The following CSNK2A2 variants were observed in gnomAD, a reference collection of about 807,000 sequenced individuals.
The protein encoded by CSNK2A2 is casein kinase 2 alpha 2, also known as casein kinase II subunit alpha'.
A neutral mutation model predicts 54.0 loss-of-function variants in CSNK2A2; 8 were observed. That is an observed-to-expected ratio of 0.15 (90% CI 0.09 to 0.27). The LOEUF (loss-of-function observed/expected upper bound fraction) is 0.27, where lower values mean the gene tolerates loss of function less well. Among genes scored for constraint, CSNK2A2 ranks in the 10% least tolerant of loss-of-function variants. CSNK2A2 has a pLI of 1.00. For missense variants in CSNK2A2, 242 were observed against 439.4 expected, an observed-to-expected ratio of 0.55 and a Z score of 4.02; for synonymous variants, 141 against 153.9, an observed-to-expected ratio of 0.92 and a Z score of 0.62.
At chr16:58,162,452 GT>G (rs1961411560) in intron 11 of CSNK2A2, 1 of 152,092 alleles carries the variant, frequency 6.6e-6, no homozygotes, top group South Asian at 2.1e-4. Flanking sequence ...TAAGAGAAGA[GT>G]TTCATTTGTA....
chr16:58,186,770 A>T lies in CSNK2A2; in HGVS notation c.303T>A (p.Thr101=). 1 of 1,613,928 alleles carries T rather than the reference A, an allele frequency of 6.2e-7. No homozygotes were observed. Among genetic ancestry groups the T allele is most frequent in the South Asian group, 1.1e-5 (1 of 91,050 alleles). The change falls in exon 3 of 12, where the codon ACT becomes ACA. Residue 101 remains threonine, a synonymous_variant. Transcript: ENST00000262506. ...GGTNIIKLID[T]VKDPVSKTPA... The stretch of plus-strand genomic sequence containing the variant: ...TGGCACCTACCACGGGGTCCTTTAC[A>T]GTGTCAATCAGCTTAATGATATTTG...
At chr16:58,178,784 G>GA (rs1961948159) in intron 4 of CSNK2A2, among the ~76,000 whole-genome samples, 2 of 151,988 alleles carry the variant, frequency 1.3e-5, no homozygotes, top group East Asian at 1.9e-4. Flanking sequence ...GAAATACAAG[G>GA]AAAAAAATTA....
intron 7 of CSNK2A2, 131 bp from the exon 8 acceptor site, chr16:58,167,439 T>G: frequency 1.6e-6 from 1 of 632,736 alleles, no homozygotes; most frequent in East Asian, 2.8e-5. Flanking sequence ...AAAAAAAATT[T>G]TTTTTAACTT....
Position 58,185,390 on chromosome 16 carries a change from G to C in CSNK2A2, c.319-1080C>G, listed in dbSNP as rs540584645. ...AAGCCTGACCTTCTAATAGACAAGG[G>C]GTCCCTGTTGATTTTTGTCATCTTC... On this transcript the variant is annotated intron_variant, in intron 3 of 11. Transcript: ENST00000262506. Among the ~76,000 whole-genome samples the C allele has an allele frequency of 2.0e-5, 3 of 152,082 alleles. No individual in the cohort carries two copies. The East Asian group carries it at 5.8e-4, about 29-fold the overall frequency.
At chr16:58,188,223 G>T (rs548417750) in intron 2 of CSNK2A2, among the ~76,000 whole-genome samples, 7 of 152,194 alleles carry the variant, frequency 4.6e-5, no homozygotes, top group African/African-American at 1.7e-4. Flanking sequence ...CTCTCGCTGC[G>T]TCCTTGTGAG....
chr16:58,182,639 C>T (rs902615469), intron 4 of CSNK2A2, among the ~76,000 whole-genome samples: 2 of 151,000 alleles, frequency 1.3e-5, no homozygotes, highest in African/African-American at 2.4e-5. Context: ...AACTCATTAA[C>T]GAAGCCCAGG....
intron 4 of CSNK2A2, among the ~76,000 whole-genome samples, chr16:58,177,212 CAG>C (rs1482072003): frequency 6.6e-6 from 1 of 152,180 alleles, no homozygotes; most frequent in Non-Finnish European, 1.5e-5. Flanking sequence ...TGGAACAAAA[CAG>C]AAGCACTCTT....
At chr16:58,195,487 A>G (rs532494810) in intron 2 of CSNK2A2, among the ~76,000 whole-genome samples, 1 of 150,568 alleles carries the variant, frequency 6.6e-6, no homozygotes, top group Admixed American at 6.6e-5. Flanking sequence ...GCTTTTCTAT[A>G]CCACAGCTTT....
intron 5 of CSNK2A2, 36 bp downstream of exon 5, chr16:58,174,415 C>A: frequency 1.4e-6 from 2 of 1,435,512 alleles, no homozygotes; most frequent in Non-Finnish European, 1.9e-6. Context: ...AATGAACAGG[C>A]CTGAAAAAAA....
intron 9 of CSNK2A2, among the ~76,000 whole-genome samples, chr16:58,166,036 AT>A (rs1961552760): frequency 6.6e-6 from 1 of 152,214 alleles, no homozygotes; most frequent in Non-Finnish European, 1.5e-5. Flanking sequence ...TGGTCAGCAG[AT>A]ATATTTCCCA....
intron 4 of CSNK2A2, among the ~76,000 whole-genome samples, chr16:58,179,203 G>A (rs1307136562): frequency 4.6e-5 from 7 of 152,042 alleles, no homozygotes; most frequent in Admixed American, 1.3e-4. Context: ...AGATAAAATA[G>A]AAATAGAAAG....
chr16:58,192,400 G>A (rs955314483), intron 2 of CSNK2A2, among the ~76,000 whole-genome samples: 22 of 150,490 alleles, frequency 1.5e-4, no homozygotes, highest in Non-Finnish European at 2.5e-4. Context: ...TATTAATCCC[G>A]AAATCTGCCA....
rs1355905564 is a variant in CSNK2A2, at chr16:58,181,631, A to C, written c.369+2629T>G. ...AAATAGAAGGTATTACATAAAACAT[A>C]AAAGAACAGGATACTATTTTAAAAA... On this transcript the variant is annotated intron_variant, in intron 4 of 11. Coordinates refer to ENST00000262506, the MANE Select transcript of CSNK2A2 (RefSeq NM_001896.4). Among the ~76,000 whole-genome samples the C allele has an allele frequency of 3.9e-5, 6 of 152,128 alleles. No homozygotes were observed. In the South Asian group the frequency reaches 8.3e-4, roughly 21 times the overall value.
intron 5 of CSNK2A2, among the ~76,000 whole-genome samples, chr16:58,171,214 A>T (rs1250496107): frequency 6.6e-6 from 1 of 152,124 alleles, no homozygotes; most frequent in Non-Finnish European, 1.5e-5. Context: ...TCCCTGAACC[A>T]AGAGTATACA....
chr16:58,169,050 C>G (rs1300471113), intron 5 of CSNK2A2, among the ~76,000 whole-genome samples: 1 of 152,054 alleles, frequency 6.6e-6, no homozygotes, highest in Non-Finnish European at 1.5e-5. Context: ...CCTCAGCCTC[C>G]CGAGTAGCTA....
Position 58,198,094 on chromosome 16 carries a change from A to C in CSNK2A2, c.-358T>G, listed in dbSNP as rs953056333. 3.4e-5 allele frequency among the ~76,000 whole-genome samples: 5 copies of C among 146,400 alleles called. No homozygotes were observed. In the East Asian group the frequency reaches 5.9e-4, roughly 17 times the overall value. On this transcript the variant is annotated 5_prime_UTR_variant, in exon 1 of 12. Coordinates refer to ENST00000262506, the MANE Select transcript of CSNK2A2 (RefSeq NM_001896.4). ...GGGGCAGCGGCGGCGGCAGCGGAGA[A>C]GAAGGAGGAGAGGAGGAGGAGGCGG... is the stretch of plus-strand genomic sequence containing the variant.
intron 2 of CSNK2A2, among the ~76,000 whole-genome samples, chr16:58,188,590 G>A: frequency 6.6e-6 from 1 of 152,200 alleles, no homozygotes; most frequent in East Asian, 1.9e-4. Flanking sequence ...AACATTATAA[G>A]GATAGCTGGC....
intron 5 of CSNK2A2, among the ~76,000 whole-genome samples, chr16:58,170,390 T>A (rs1961701663): frequency 1.3e-5 from 2 of 152,114 alleles, no homozygotes; most frequent in African/African-American, 2.4e-5. Context: ...ATACTGTTTC[T>A]GAGATTCATC....
chr16:58,163,998 T>C (rs1961484787), intron 11 of CSNK2A2, 56 bp downstream of exon 11: 1 of 1,361,974 alleles, frequency 7.3e-7, no homozygotes, highest in Non-Finnish European at 1.0e-6. Flanking sequence ...GTAGTTTTCC[T>C]TCAAGGTTTG....
Sources: gnomAD v4.1 joint callset for allele counts (sites outside exome capture counted in the v4.1 genomes callset) on GRCh38, gnomAD v4.1.1 for gene constraint, MANE v1.5 for transcripts, NCBI Gene and HGNC (gene_info 2026-07-23, HGNC 2026-07-21) for gene names.